The following NXNL2 variants were observed in gnomAD, a reference collection of about 807,000 sequenced individuals.
NXNL2 encodes the protein nucleoredoxin-like protein 2.
Under a neutral mutation model 11.1 loss-of-function variants are expected in NXNL2, and 7 were observed. That is an observed-to-expected ratio of 0.63 (90% CI 0.36 to 1.18). The LOEUF is 1.18. Among genes scored for constraint, NXNL2 ranks in the 50% most tolerant of loss-of-function variants. The pLI is 0.02. For missense variants in NXNL2, 233 were observed against 217.7 expected (o/e 1.07, Z -0.44); for synonymous variants, 109 against 101.8 (o/e 1.07, Z -0.42).
At chr9:88,556,541 C>T (rs1434362700) in intron 1 of NXNL2, among the ~76,000 whole-genome samples, 6 of 152,118 alleles carry the variant, frequency 3.9e-5, no homozygotes, top group Non-Finnish European at 7.4e-5. Flanking sequence ...GCTGATTGGT[C>T]CATAAGCAGT....
At position 88,544,517 on chromosome 9, in the gene NXNL2, G is replaced by A. The variant is rs376120424; in HGVS notation, c.441G>A (p.Ala147=). 6 of 1,546,032 alleles carry A rather than the reference G, an allele frequency of 3.9e-6. No individual in the cohort carries two copies. The South Asian group carries it at 4.8e-5, about 12-fold the overall frequency. ...CCTGCTTCCAGGACTGGGTGGAGGC[G>A]GCCGATATCTTCCAGAATTTCTCCG... The part of the protein sequence containing the change: ...GLACFQDWVE[A]ADIFQNFSV The change falls in exon 2 of 2, where the codon GCG becomes GCA. Residue 147 remains alanine (A), a synonymous_variant. Coordinates refer to ENST00000375854, the MANE Select transcript of NXNL2 (RefSeq NM_001161625.2).
intron 1 of NXNL2, 97 bp downstream of exon 1, chr9:88,535,833 C>T (rs947573037): frequency 1.3e-5 from 12 of 907,564 alleles, no homozygotes; most frequent in Admixed American, 1.2e-4. Flanking sequence ...TTTATGACGC[C>T]CCCCCCCAAC....
intron 1 of NXNL2, among the ~76,000 whole-genome samples, chr9:88,536,108 C>G (rs1829613079): frequency 6.6e-6 from 1 of 152,144 alleles, no homozygotes; most frequent in Non-Finnish European, 1.5e-5. Context: ...CCCAATCAGC[C>G]CTGGACTCCC....
At chr9:88,569,801 A>T (rs1439359963) in intron 1 of NXNL2, among the ~76,000 whole-genome samples, 3 of 152,000 alleles carry the variant, frequency 2.0e-5, no homozygotes, top group South Asian at 4.1e-4. Context: ...TGTGGGATAA[A>T]TTCTATTTGG....
At chr9:88,539,497 C>T (rs939345669) in intron 1 of NXNL2, among the ~76,000 whole-genome samples, 6 of 150,572 alleles carry the variant, frequency 4.0e-5, no homozygotes, top group Non-Finnish European at 3.0e-5. Context: ...CCAGCCGGAC[C>T]GTCTACTTTC....
chr9:88,549,314 C>A (rs73652588), downstream of NXNL2, among the ~76,000 whole-genome samples: 2,220 of 152,286 alleles, frequency 0.015, 64 homozygotes, highest in African/African-American at 0.05. Flanking sequence ...GATCCCCGGG[C>A]TGCTCCACGG....
rs1254687022 is a variant in NXNL2 at position 88,566,981 on chromosome 9, T to TATCTATCTA, written c.303-4105_303-4097dup. The stretch of plus-strand genomic sequence containing the variant: ...ATCTTTCTATTATCTATCATCTATC[T>TATCTATCTA]ATCTATCTATCTATCTATCTATCTA... On this transcript the variant is annotated intron_variant, in intron 1 of 2. Coordinates refer to the NXNL2 transcript ENST00000375855. Among the ~76,000 whole-genome samples, 35 of 143,842 alleles carry TATCTATCTA rather than the reference T, an allele frequency of 2.4e-4. No individual in the cohort carries two copies. In the South Asian group the frequency reaches 7.7e-3, roughly 32 times the overall value. 94.4% of individuals were successfully genotyped at this position (143,842 alleles called of 152,430 possible). A position where few individuals can be genotyped will look rare whatever the true frequency, so the allele number is the denominator to read the frequency against.
At chr9:88,537,867 G>A (rs1829661406) in intron 1 of NXNL2, among the ~76,000 whole-genome samples, 1 of 152,128 alleles carries the variant, frequency 6.6e-6, no homozygotes, top group African/African-American at 2.4e-5. Context: ...GCCTGCTCCT[G>A]GCTGAGATGA....
chr9:88,549,179 A>G (rs1829893072), downstream of NXNL2, among the ~76,000 whole-genome samples: 1 of 152,212 alleles, frequency 6.6e-6, no homozygotes, highest in Admixed American at 6.5e-5. Context: ...ATATGCAGAC[A>G]CATCCATTGG....
intron 1 of NXNL2, among the ~76,000 whole-genome samples, chr9:88,568,859 A>G (rs1332912814): frequency 2.0e-5 from 3 of 152,124 alleles, no homozygotes; most frequent in Non-Finnish European, 2.9e-5. Flanking sequence ...ACTTGGTTAC[A>G]TTATGGAGGC....
rs113838429 is a variant in NXNL2 at position 88,535,571 on chromosome 9, C to T, written c.137C>T (p.Pro46Leu). 567 of 1,609,582 alleles carry T rather than the reference C, an allele frequency of 3.5e-4. 3 individuals are homozygous for T. In the African/African-American group the frequency reaches 6.6e-3, roughly 19 times the overall value. Residue 46 changes from proline (P) to leucine (L), a missense_variant, in exon 1 of 2, where the codon CCG becomes CTG. Coordinates refer to ENST00000375854, the MANE Select transcript of NXNL2 (RefSeq NM_001161625.2). ...TGCGCGCCGAGCCGCGACTTCACGCCGCTGCTCTGCGACTTCTATACGGCG... is the reference window on the plus strand; with the variant it reads ...TGCGCGCCGAGCCGCGACTTCACGCTGCTGCTCTGCGACTTCTATACGGCG... ...ARCAPSRDFT[P>L]LLCDFYTALV...
intron 2 of NXNL2, among the ~76,000 whole-genome samples, chr9:88,574,101 C>G (rs901295238): frequency 1.3e-5 from 2 of 152,156 alleles, no homozygotes; most frequent in African/African-American, 4.8e-5. Context: ...TATGGTCTAG[C>G]AATTCCACTC....
downstream of NXNL2, among the ~76,000 whole-genome samples, chr9:88,578,291 G>A (rs1830369902): frequency 1.3e-5 from 2 of 152,156 alleles, no homozygotes; most frequent in South Asian, 4.1e-4. Context: ...GGGCACAGCG[G>A]CTCCCAGGGG....
rs563815382 is a variant in NXNL2 at position 88,553,365 on chromosome 9, A to T, written c.302+17629A>T. Among the ~76,000 whole-genome samples the T allele has an allele frequency of 5.5e-4, 83 of 149,926 alleles. 1 individual carries two copies. In the South Asian group the frequency reaches 0.016, roughly 29 times the overall value. ...CTGTCTCAAAAAAGCCCAAACAACA[A>T]CAACAACAACAACAAAAAACCCATG... On this transcript the variant is annotated intron_variant, in intron 1 of 2. Coordinates refer to the NXNL2 transcript ENST00000375855.
downstream of NXNL2, chr9:88,584,388 G>C (rs1587860358): frequency 6.6e-6 from 1 of 152,268 alleles, no homozygotes; most frequent in African/African-American, 2.4e-5. Context: ...AGAACACAAA[G>C]AGAAGGCGGC....
chr9:88,564,536 C>T (rs1163648252), intron 1 of NXNL2, among the ~76,000 whole-genome samples: 1 of 152,094 alleles, frequency 6.6e-6, no homozygotes, highest in Admixed American at 6.5e-5. Flanking sequence ...CCTACCTCAG[C>T]CTCTGATGTA....
chr9:88,566,995 T>TCTATCTATCTATCTATCTCTCTAC (rs1830182978), intron 1 of NXNL2, among the ~76,000 whole-genome samples: 1 of 150,282 alleles, frequency 6.7e-6, no homozygotes, highest in African/African-American at 2.5e-5. Context: ...TATCTATCTA[T>TCTATCTATCTATCTATCTCTCTAC]CTATCTATCT....
At chr9:88,554,875 A>G (rs1207404625) in intron 1 of NXNL2, among the ~76,000 whole-genome samples, 1 of 152,210 alleles carries the variant, frequency 6.6e-6, no homozygotes, top group Non-Finnish European at 1.5e-5. Flanking sequence ...AGACTGAGTC[A>G]CGTAGCATGT....
intron 1 of NXNL2, among the ~76,000 whole-genome samples, chr9:88,540,809 C>G (rs1467597393): frequency 3.3e-5 from 5 of 152,308 alleles, no homozygotes; most frequent in Non-Finnish European, 2.9e-5. Context: ...CCCAGAAAGG[C>G]CACAGCCCTC....
Sources: allele counts gnomAD v4.1 joint callset (sites outside exome capture counted in the v4.1 genomes callset), GRCh38; gene constraint gnomAD v4.1.1; transcripts MANE v1.5; gene names NCBI Gene and HGNC (gene_info 2026-07-23, HGNC 2026-07-21).